Variants in AGO2 observed in about 807,000 individuals in gnomAD.
The protein encoded by AGO2 is protein argonaute-2.
A neutral mutation model predicts 102.3 loss-of-function variants in AGO2; 5 were observed. The observed-to-expected ratio is 0.05, with a 90% CI of 0.03 to 0.10. The LOEUF (loss-of-function observed/expected upper bound fraction) is 0.10, where lower values mean the gene tolerates loss of function less well. Among genes scored for constraint, AGO2 ranks in the 10% least tolerant of loss-of-function variants. The pLI is 1.00. For missense variants in AGO2, 541 were observed against 1,183.7 expected (o/e 0.46, Z 7.97); for synonymous variants, 449 against 473.1 (o/e 0.95, Z 0.66).
At chr8:140,558,381 G>C (rs148404917) in intron 7 of AGO2, 104 bp downstream of exon 7, 34,529 of 1,241,668 alleles carry the variant, frequency 0.028, 617 homozygotes, top group Non-Finnish European at 0.033. Flanking sequence ...AGCATGAAAT[G>C]GTCCTTTCTG....
intron 2 of AGO2, among the ~76,000 whole-genome samples, chr8:140,576,900 C>T (rs11996672): frequency 0.28 from 42,962 of 151,968 alleles, 6,382 homozygotes; most frequent in Non-Finnish European, 0.33. Context: ...CGCAACACGA[C>T]GGGTGTCTTA....
intron 10 of AGO2, 78 bp downstream of exon 10, chr8:140,555,818 G>A (rs947968003): frequency 1.6e-5 from 25 of 1,529,358 alleles, no homozygotes; most frequent in African/African-American, 2.7e-5. Flanking sequence ...CACCGCGGGC[G>A]ATAGCTCAGA....
chr8:140,559,334 G>A (rs957322098), intron 6 of AGO2, 61 bp downstream of exon 6: 61 of 1,594,478 alleles, frequency 3.8e-5, no homozygotes, highest in Middle Eastern at 1.8e-4. Context: ...ATGCGGTCCC[G>A]GAGGCGGACC....
intron 3 of AGO2, among the ~76,000 whole-genome samples, chr8:140,568,244 A>ACT (rs4058202): frequency 0.16 from 23,455 of 147,770 alleles, 1,981 homozygotes; most frequent in East Asian, 0.35. Flanking sequence ...ACATCGTGCT[A>ACT]CTGCACTCTA....
rs1038806352 is a variant in AGO2 at position 140,530,312 on chromosome 8, G to T, written c.*1732C>A. Reference sequence around the variant, plus strand: ...CAAAGCAGCTGAGCACAAAGGTGGGGGGGGGGGTGCCGCTGAGCAGGAGGC... The same window carrying T: ...CAAAGCAGCTGAGCACAAAGGTGGGTGGGGGGGTGCCGCTGAGCAGGAGGC... On this transcript the variant is annotated 3_prime_UTR_variant, in exon 19 of 19. Coordinates refer to ENST00000220592, the MANE Select transcript of AGO2 (RefSeq NM_012154.5). 2.0e-5 allele frequency: 3 copies of T among 152,246 alleles called. No individual in the cohort carries two copies. Among genetic ancestry groups the T allele is most frequent in the Non-Finnish European group, 2.9e-5 (2 of 68,070 alleles). The allele number at this position is 152,246 out of a possible 1,614,324, so 9.4% of individuals were successfully genotyped here.
intron 16 of AGO2, among the ~76,000 whole-genome samples, chr8:140,538,587 C>T (rs753456615): frequency 1.2e-4 from 19 of 152,212 alleles, no homozygotes; most frequent in African/African-American, 4.6e-4. Context: ...GGCGCTTCAA[C>T]GCCGCCACCT....
At chr8:140,569,806 G>T (rs1040474388) in intron 3 of AGO2, among the ~76,000 whole-genome samples, 3 of 152,196 alleles carry the variant, frequency 2.0e-5, no homozygotes, top group Non-Finnish European at 4.4e-5. Context: ...CAGGGGCTGG[G>T]ATGAAGGCAG....
intron 12 of AGO2, among the ~76,000 whole-genome samples, chr8:140,548,093 A>G (rs1271559468): frequency 6.6e-6 from 1 of 152,170 alleles, no homozygotes; most frequent in Admixed American, 6.5e-5. Context: ...TGGCGGGCGG[A>G]TCAGCTGAGG....
rs2072734824 is a variant in AGO2 at position 140,538,424 on chromosome 8, T to A, written c.2169+896A>T. ...GCAGGTAGGACAACGTGGACAGGTG[T>A]GAGTTTCTTTTTACTTATCCTACTA... On this transcript the variant is annotated intron_variant, in intron 16 of 18. Transcript: ENST00000220592. 2.0e-5 allele frequency among the ~76,000 whole-genome samples: 3 copies of A among 152,202 alleles called. No homozygotes were observed. The South Asian group carries it at 6.2e-4, about 32-fold the overall frequency.
chr8:140,624,224 G>A (rs1176914235), intron 1 of AGO2, among the ~76,000 whole-genome samples: 3 of 152,042 alleles, frequency 2.0e-5, no homozygotes, highest in African/African-American at 7.2e-5. Flanking sequence ...GCCCCCTCTG[G>A]AGCCCTGCCT....
intron 1 of AGO2, among the ~76,000 whole-genome samples, chr8:140,629,835 CAAAAA>C (rs1357787754): frequency 8.1e-6 from 1 of 123,538 alleles, no homozygotes; most frequent in Non-Finnish European, 1.7e-5. Flanking sequence ...GAGACCCTGT[CAAAAA>C]AAGAAAAGAA....
Position 140,558,862 on chromosome 8 carries a change from G to A in AGO2, c.791-290C>T, listed in dbSNP as rs75592049. ...GGGTCATCGTGATAACACGGGGTAC[G>A]GTGGATGGCCCTGCAAATGGCCTTC... On this transcript the variant is annotated intron_variant, in intron 6 of 18. Transcript: ENST00000220592. Among the ~76,000 whole-genome samples, 30 of 152,326 alleles carry A rather than the reference G, an allele frequency of 2.0e-4. No homozygotes were observed. In the East Asian group the frequency reaches 3.7e-3, roughly 19 times the overall value.
intron 1 of AGO2, among the ~76,000 whole-genome samples, chr8:140,602,413 CCA>C (rs1341377254): frequency 9.9e-5 from 15 of 152,152 alleles, no homozygotes; most frequent in Admixed American, 9.8e-4. Flanking sequence ...AAGAATACTC[CCA>C]CATTTATCTT....
intron 3 of AGO2, among the ~76,000 whole-genome samples, chr8:140,570,478 C>T (rs1290426922): frequency 1.3e-5 from 2 of 152,264 alleles, no homozygotes; most frequent in African/African-American, 4.8e-5. Flanking sequence ...GATCCGCCTG[C>T]CTCGGCCTCC....
chr8:140,628,573 G>A (rs1179117722), intron 1 of AGO2, among the ~76,000 whole-genome samples: 1 of 152,114 alleles, frequency 6.6e-6, no homozygotes, highest in Non-Finnish European at 1.5e-5. Context: ...GGGAGGCCAA[G>A]GCAGGAGGAT....
At chr8:140,560,578 G>A (rs2073182652) in intron 4 of AGO2, 68 bp from the exon 5 acceptor site, 2 of 1,558,600 alleles carry the variant, frequency 1.3e-6, no homozygotes, top group Non-Finnish European at 1.7e-6. Flanking sequence ...CTGCCTCTGG[G>A]TGGGCTTCGC....
At chr8:140,542,246 G>C (rs1269573955) in intron 14 of AGO2, among the ~76,000 whole-genome samples, 1 of 152,100 alleles carries the variant, frequency 6.6e-6, no homozygotes, top group Non-Finnish European at 1.5e-5. Context: ...CGGAAGGAAA[G>C]GTCCTTAAAT....
At chr8:140,632,919 T>C (rs947358477) in intron 1 of AGO2, among the ~76,000 whole-genome samples, 7 of 151,872 alleles carry the variant, frequency 4.6e-5, no homozygotes, top group Non-Finnish European at 1.0e-4. Flanking sequence ...TTTTTTTTTT[T>C]TCTTGAGATG....
rs775302057 is a variant in AGO2 at position 140,567,116 on chromosome 8, G to T, written c.337-4482C>A. ...CAACACCGAGGGGCAATGGCAAGGG[G>T]TCTATTTTCCCACAGCAAAATACAT... On this transcript the variant is annotated intron_variant, in intron 3 of 18. Transcript: ENST00000220592. This position sits in a 1 kb window ranked among gnomAD's most constrained non-coding sequence, Gnocchi z 5.0. Among the ~76,000 whole-genome samples, 7 of 152,354 alleles carry T rather than the reference G, an allele frequency of 4.6e-5. No homozygotes were observed. Among genetic ancestry groups the T allele is most frequent in the East Asian group, 1.9e-4 (1 of 5,180 alleles).
Sources: gnomAD v4.1 joint callset for allele counts (sites outside exome capture counted in the v4.1 genomes callset) on GRCh38, gnomAD v4.1.1 for gene constraint, Gnocchi (gnomAD v3.1) non-coding constraint, MANE v1.5 for transcripts, NCBI Gene and HGNC (gene_info 2026-07-23, HGNC 2026-07-21) for gene names.